Variants in BMAL2 observed in about 807,000 individuals in gnomAD.
BMAL2 encodes basic helix-loop-helix ARNT-like protein 2.
At chr12:27,415,889 T>G in the BMAL2 span, 1 of 1,608,060 alleles carries the variant, frequency 6.2e-7, no homozygotes, top group East Asian at 2.2e-5. Flanking sequence ...TCTTCATACC[T>G]TGATGATTCG....
the BMAL2 span, among the ~76,000 whole-genome samples, chr12:27,385,780 A>G: frequency 1.7e-4 from 26 of 152,302 alleles, no homozygotes; most frequent in African/African-American, 6.0e-4. Flanking sequence ...CACACTATGG[A>G]GCAAAGCTTG....
the BMAL2 span, among the ~76,000 whole-genome samples, chr12:27,335,775 GA>G: frequency 7.2e-5 from 11 of 151,994 alleles, 1 homozygote; most frequent in African/African-American, 1.7e-4. Context: ...GAGAGGAGGA[GA>G]GGGGAAAGGA....
the BMAL2 span, among the ~76,000 whole-genome samples, chr12:27,405,924 G>A: frequency 5.9e-5 from 9 of 152,174 alleles, no homozygotes; most frequent in African/African-American, 1.7e-4. Context: ...TGAAAACAAC[G>A]GCATGAGAAC....
chr12:27,415,921 G>T, the BMAL2 span: 1 of 1,605,458 alleles, frequency 6.2e-7, no homozygotes, highest in Non-Finnish European at 8.5e-7. Flanking sequence ...TTTAATGAAA[G>T]ATACTCATAC....
chr12:27,385,430 T>G, the BMAL2 span: 1 of 1,202,656 alleles, frequency 8.3e-7, no homozygotes, highest in Non-Finnish European at 1.2e-6. Flanking sequence ...TCATTAAGCA[T>G]TTTGCCCTCT....
At chr12:27,394,382 C>G in the BMAL2 span, 3 of 152,164 alleles carry the variant, frequency 2.0e-5, no homozygotes, top group Admixed American at 6.5e-5. Flanking sequence ...ATTTGCTGCC[C>G]TTCCACACTG....
the BMAL2 span, among the ~76,000 whole-genome samples, chr12:27,377,949 C>A: frequency 1.7e-5 from 2 of 116,946 alleles, no homozygotes; most frequent in African/African-American, 6.1e-5. Flanking sequence ...TCCTCCCTAC[C>A]CACCTCCCTA....
chr12:27,409,775 A>T, the BMAL2 span, among the ~76,000 whole-genome samples: 86 of 152,212 alleles, frequency 5.7e-4, no homozygotes, highest in South Asian at 4.8e-3. Context: ...GCTTCTGCAC[A>T]GCAAAAGAAA....
the BMAL2 span, chr12:27,424,230 C>T: frequency 5.9e-5 from 9 of 152,124 alleles, no homozygotes; most frequent in African/African-American, 1.9e-4. Context: ...AAGTTTATAC[C>T]ATAAGGATAT....
chr12:27,419,521 C>G, the BMAL2 span, among the ~76,000 whole-genome samples: 6 of 152,188 alleles, frequency 3.9e-5, no homozygotes, highest in African/African-American at 1.4e-4. Context: ...GCCTCATGAC[C>G]TAATTACCTT....
At chr12:27,335,150 C>T in the BMAL2 span, among the ~76,000 whole-genome samples, 1 of 152,166 alleles carries the variant, frequency 6.6e-6, no homozygotes, top group Non-Finnish European at 1.5e-5. Flanking sequence ...AAAAACAGGC[C>T]TCTGGGCCAG....
chr12:27,380,343 G>A, the BMAL2 span: 340 of 1,614,048 alleles, frequency 2.1e-4, 1 homozygote, highest in South Asian at 6.1e-4. Flanking sequence ...ACCCCATGGC[G>A]CGTAAACTGG....
chr12:27,348,496 C>T, the BMAL2 span, among the ~76,000 whole-genome samples: 1 of 151,894 alleles, frequency 6.6e-6, no homozygotes, highest in Non-Finnish European at 1.5e-5. Flanking sequence ...TAATTGACAA[C>T]ATAACAAAGC....
chr12:27,409,474 G>A, the BMAL2 span, among the ~76,000 whole-genome samples: 1 of 152,164 alleles, frequency 6.6e-6, no homozygotes, highest in Non-Finnish European at 1.5e-5. Flanking sequence ...TGACAAACCT[G>A]ACAAAAAGAA....
the BMAL2 span, among the ~76,000 whole-genome samples, chr12:27,362,192 A>G: frequency 6.6e-6 from 1 of 152,092 alleles, no homozygotes. Context: ...TTGATTTGTC[A>G]TTTGATGAAA....
At chr12:27,337,866 G>T in the BMAL2 span, among the ~76,000 whole-genome samples, 1 of 152,180 alleles carries the variant, frequency 6.6e-6, no homozygotes, top group African/African-American at 2.4e-5. Context: ...TTCAACAAAT[G>T]ATTTTCCCCT....
chr12:27,351,326 G>T, the BMAL2 span, among the ~76,000 whole-genome samples: 1 of 152,102 alleles, frequency 6.6e-6, no homozygotes, highest in Non-Finnish European at 1.5e-5. Flanking sequence ...TGTGTTAGTT[G>T]TAGAAAAAGA....
chr12:27,403,886 G>A, the BMAL2 span, among the ~76,000 whole-genome samples: 1 of 152,016 alleles, frequency 6.6e-6, no homozygotes, highest in East Asian at 1.9e-4. Flanking sequence ...CGTGTGGCCA[G>A]GCATGGTGGG....
the BMAL2 span, among the ~76,000 whole-genome samples, chr12:27,369,276 A>G: frequency 1.3e-5 from 2 of 149,768 alleles, no homozygotes; most frequent in Non-Finnish European, 3.0e-5. Flanking sequence ...AAAACATCCT[A>G]GCTCTTTTTT....
Sources: gnomAD v4.1 joint callset for allele counts (sites outside exome capture counted in the v4.1 genomes callset) on GRCh38, gnomAD v4.1.1 for gene constraint, MANE v1.5 for transcripts, NCBI Gene and HGNC (gene_info 2026-07-23, HGNC 2026-07-21) for gene names.